The following RALGAPA2 variants were observed in gnomAD, a reference collection of about 807,000 sequenced individuals.
RALGAPA2 encodes the protein ral GTPase-activating protein subunit alpha-2.
RALGAPA2 carries 139 observed loss-of-function variants against 230.4 expected under a neutral mutation model. The observed-to-expected ratio is 0.60, with a 90% CI of 0.53 to 0.69. The LOEUF (loss-of-function observed/expected upper bound fraction) is 0.69. Ranked by LOEUF, RALGAPA2 falls within the 30% of genes least tolerant of loss-of-function variation. The pLI, the probability that RALGAPA2 is intolerant of heterozygous loss-of-function variation, is 0.00. For missense variants in RALGAPA2, 2,163 were observed against 2,276.0 expected (o/e 0.95, Z 1.01); for synonymous variants, 847 against 837.8 (o/e 1.01, Z -0.19).
At chr20:20,644,828 C>T (rs1413872770) in intron 4 of RALGAPA2, among the ~76,000 whole-genome samples, 1 of 152,160 alleles carries the variant, frequency 6.6e-6, no homozygotes, top group Admixed American at 6.5e-5. Flanking sequence ...TTCTTTGTCC[C>T]CATGTTCATC....
chr20:20,458,883 C>T lies in RALGAPA2; in HGVS notation c.5495+13946G>A, dbSNP rs1229509285. ...ATATATATATATATATATACACACA[C>T]ACAAATAAATAAAATATATATATAC... is the stretch of plus-strand genomic sequence containing the variant. On this transcript the variant is annotated intron_variant, in intron 37 of 39. Transcript: ENST00000202677. Among the ~76,000 whole-genome samples the T allele has an allele frequency of 3.4e-3, 97 of 28,752 alleles. 2 individuals are homozygous for T. Among genetic ancestry groups the T allele is most frequent in the African/African-American group, 0.016 (93 of 5,972 alleles). 18.9% of individuals were successfully genotyped at this position (28,752 alleles called of 152,430 possible).
At chr20:20,482,481 C>T (rs1281368612) in intron 36 of RALGAPA2, among the ~76,000 whole-genome samples, 7 of 152,072 alleles carry the variant, frequency 4.6e-5, no homozygotes, top group Admixed American at 3.9e-4. Flanking sequence ...GAGCGGAGCA[C>T]TCCAGACAAA....
chr20:20,631,527 G>T (rs1357996985), intron 9 of RALGAPA2, among the ~76,000 whole-genome samples: 1 of 152,206 alleles, frequency 6.6e-6, no homozygotes, highest in Non-Finnish European at 1.5e-5. Context: ...TGGAAACTGG[G>T]AGAAAAGGTG....
chr20:20,419,083 G>A (rs1173608704), intron 37 of RALGAPA2, among the ~76,000 whole-genome samples: 1 of 152,038 alleles, frequency 6.6e-6, no homozygotes. Context: ...TATTGCTTAG[G>A]GCTACACACA....
intron 36 of RALGAPA2, among the ~76,000 whole-genome samples, chr20:20,477,045 T>C (rs1247912350): frequency 6.6e-6 from 1 of 152,156 alleles, no homozygotes; most frequent in South Asian, 2.1e-4. Flanking sequence ...AAAGTCAGAA[T>C]AGTGGCCACT....
At chr20:20,402,733 G>T (rs1159292186) in intron 38 of RALGAPA2, among the ~76,000 whole-genome samples, 1 of 152,212 alleles carries the variant, frequency 6.6e-6, no homozygotes, top group Non-Finnish European at 1.5e-5. Context: ...AACTGTCATG[G>T]AAGTTGTCCC....
chr20:20,546,042 C>A (rs1307300072), intron 24 of RALGAPA2, among the ~76,000 whole-genome samples: 1 of 152,096 alleles, frequency 6.6e-6, no homozygotes, highest in Non-Finnish European at 1.5e-5. Flanking sequence ...TGCGCTTCAG[C>A]CTGGGCAGAG....
At chr20:20,636,757 C>A (rs967600125) in intron 8 of RALGAPA2, among the ~76,000 whole-genome samples, 3 of 152,172 alleles carry the variant, frequency 2.0e-5, no homozygotes, top group Admixed American at 1.3e-4. Context: ...CCCACCTTTA[C>A]CACTCTAAGG....
chr20:20,396,648 C>A, intron 39 of RALGAPA2, 47 bp downstream of exon 39: 1 of 1,547,824 alleles, frequency 6.5e-7, no homozygotes, highest in Non-Finnish European at 8.9e-7. Context: ...CCCACCCCCT[C>A]CCCAAAGCAG....
intron 1 of RALGAPA2, among the ~76,000 whole-genome samples, chr20:20,700,191 C>T (rs6132339): frequency 0.028 from 4,261 of 152,136 alleles, 143 homozygotes; most frequent in East Asian, 0.17. Flanking sequence ...TAAACCTAAG[C>T]GAATTAATGC....
Position 20,571,904 on chromosome 20 carries a change from G to C in RALGAPA2, c.2944C>G (p.Pro982Ala). 1 of 1,611,728 alleles carries C rather than the reference G, an allele frequency of 6.2e-7. No homozygotes were observed. Among genetic ancestry groups the C allele is most frequent in the South Asian group, 1.1e-5 (1 of 90,516 alleles). ...GGTGGGATCAAAACTGGAGGAGATG[G>C]AGAAGACTGGTTATCCAGGCTTATT... The part of the protein sequence containing the change: ...LAISLDNQSS[P>A]SPPVLIPPLR... The change falls in exon 22 of 40, where the codon CCA becomes GCA. Residue 982 changes from proline (P) to alanine (A), a missense_variant. Pro to Ala is a conservative substitution (Grantham distance 27, BLOSUM62 -1). Coordinates refer to ENST00000202677, the MANE Select transcript of RALGAPA2 (RefSeq NM_020343.4).
Position 20,458,515 on chromosome 20 carries a change from T to C in RALGAPA2, c.5495+14314A>G, listed in dbSNP as rs532358091. On this transcript the variant is annotated intron_variant, in intron 37 of 39. Transcript: ENST00000202677. ...TTATATATATTATATATAATATATA[T>C]GTATTTTATATATATTATATATAAT... Among the ~76,000 whole-genome samples, 589 of 135,914 alleles carry C rather than the reference T, an allele frequency of 4.3e-3. 6 individuals are homozygous for C. The highest frequency in any genetic ancestry group is 7.8e-3 in the African/African-American group (270 of 34,798). 89.2% of individuals were successfully genotyped at this position (135,914 alleles called of 152,430 possible). A position where few individuals can be genotyped will look rare whatever the true frequency, so the allele number is the denominator to read the frequency against.
chr20:20,496,774 C>T (rs1450591095), intron 35 of RALGAPA2, among the ~76,000 whole-genome samples: 1 of 152,192 alleles, frequency 6.6e-6, no homozygotes, highest in East Asian at 1.9e-4. Flanking sequence ...CCAACATAGC[C>T]TCTTTTCTGT....
At chr20:20,492,329 C>T (rs923444592) in intron 36 of RALGAPA2, among the ~76,000 whole-genome samples, 1 of 152,040 alleles carries the variant, frequency 6.6e-6, no homozygotes, top group Non-Finnish European at 1.5e-5. Flanking sequence ...TACACAGGTG[C>T]TAAAAGAATG....
intron 10 of RALGAPA2, among the ~76,000 whole-genome samples, chr20:20,621,817 C>A: frequency 6.6e-6 from 1 of 152,090 alleles, no homozygotes; most frequent in East Asian, 1.9e-4. Flanking sequence ...GGAGAGGTTC[C>A]CCATACTCAG....
At chr20:20,603,158 T>C (rs940390809) in intron 15 of RALGAPA2, among the ~76,000 whole-genome samples, 3 of 152,208 alleles carry the variant, frequency 2.0e-5, no homozygotes, top group Non-Finnish European at 4.4e-5. Flanking sequence ...AAAGGAGTTG[T>C]GTATACCTTC....
intron 31 of RALGAPA2, among the ~76,000 whole-genome samples, chr20:20,514,105 C>T (rs1013587636): frequency 6.6e-6 from 1 of 152,180 alleles, no homozygotes; most frequent in East Asian, 1.9e-4. Context: ...GCTGCCCCAA[C>T]CTTCCTGTGC....
At chr20:20,416,621 T>A (rs2060170291) in intron 37 of RALGAPA2, among the ~76,000 whole-genome samples, 1 of 152,140 alleles carries the variant, frequency 6.6e-6, no homozygotes, top group South Asian at 2.1e-4. Context: ...TAAACCTGAG[T>A]GCGTATGTGT....
chr20:20,578,869 C>T (rs1037329739), intron 20 of RALGAPA2, among the ~76,000 whole-genome samples: 1 of 152,186 alleles, frequency 6.6e-6, no homozygotes, highest in African/African-American at 2.4e-5. Flanking sequence ...CTCCTTCTTC[C>T]ACTCCTTTTC....
Sources: allele counts gnomAD v4.1 joint callset (sites outside exome capture counted in the v4.1 genomes callset), GRCh38; gene constraint gnomAD v4.1.1; transcripts MANE v1.5; gene names NCBI Gene and HGNC (gene_info 2026-07-23, HGNC 2026-07-21).